TP73: variants seen among roughly 807,000 people sequenced by gnomAD.
TP73 encodes the protein tumor protein p73.
Under a neutral mutation model 62.5 loss-of-function variants are expected in TP73, and 25 were observed. The ratio of observed to expected loss-of-function variants is 0.40; its 90% CI spans 0.29 to 0.56. TP73 has a LOEUF of 0.56. TP73 is among the 20% of genes least tolerant of loss of function. The pLI is 0.46. For missense variants in TP73, 754 were observed against 913.3 expected (o/e 0.83, Z 2.25); for synonymous variants, 423 against 377.5 (o/e 1.12, Z -1.40).
Position 3,727,727 on chromosome 1 carries a change from C to T in TP73, c.942C>T (p.Ala314=). 6.4e-7 allele frequency: 1 copy of T among 1,562,464 alleles called. No homozygotes were observed. Among genetic ancestry groups the T allele is most frequent in the East Asian group, 2.3e-5 (1 of 42,710 alleles). Residue 314 remains alanine (A), a synonymous_variant, in exon 8 of 14, where the codon GCC becomes GCT. Transcript: ENST00000378295. ...ADEDHYREQQ[A]LNESSAKNGA... is the part of the protein sequence containing the mutation. The stretch of plus-strand genomic sequence containing the variant: ...AGGACCACTACCGGGAGCAGCAGGC[C>T]CTGAACGAGAGCTCCGCCAAGAACG...
rs368036522 is a variant in TP73 at position 3,691,396 on chromosome 1, A to G, written c.186+8216A>G. Among the ~76,000 whole-genome samples the G allele has an allele frequency of 3.4e-4, 51 of 151,810 alleles. No homozygotes were observed. The East Asian group carries it at 9.0e-3, about 27-fold the overall frequency. ...TGGGTGTGAAGCTGCCCCCGCCCTC[A>G]TCAGGGAATTTGCTCATTTGACAGC... On this transcript the variant is annotated intron_variant, in intron 3 of 13. Transcript: ENST00000378295.
chr1:3,659,211 A>G (rs1644935968), intron 1 of TP73: 1 of 151,674 alleles, frequency 6.6e-6, no homozygotes, highest in East Asian at 1.9e-4. Flanking sequence ...GGAGCTGACT[A>G]AAAACCAGTT....
At chr1:3,720,593 A>G (rs116294353) in intron 4 of TP73, among the ~76,000 whole-genome samples, 1,653 of 152,302 alleles carry the variant, frequency 0.011, 29 homozygotes, top group African/African-American at 0.038. Context: ...GAACAAGGGC[A>G]CTCAGGGTGC....
At chr1:3,695,927 G>A (rs547027485) in intron 3 of TP73, among the ~76,000 whole-genome samples, 2 of 152,380 alleles carry the variant, frequency 1.3e-5, no homozygotes, top group East Asian at 1.9e-4. Flanking sequence ...TGGATATGAG[G>A]GAAGGGGTGG....
intron 3 of TP73, chr1:3,698,036 C>G: frequency 7.1e-6 from 7 of 979,140 alleles, no homozygotes; most frequent in Non-Finnish European, 7.3e-6. Flanking sequence ...CCATTCTCGG[C>G]TCAGCCACTA....
rs1156392721 is a variant in TP73, at chr1:3,733,033, G to A, written c.1865G>A (p.Arg622His). 27 of 1,547,512 alleles carry A rather than the reference G, an allele frequency of 1.7e-5. No individual in the cohort carries two copies. The highest frequency in any genetic ancestry group is 7.7e-5 in the Admixed American group (4 of 52,150). Reference sequence around the variant, plus strand: ...TTCGACCTGCCCGACTGCAAGGCCCGCAAGCAGCCCATCAAGGAGGAGTTC... The same window carrying A: ...TTCGACCTGCCCGACTGCAAGGCCCACAAGCAGCCCATCAAGGAGGAGTTC... The part of the protein sequence containing the change: ...FGFDLPDCKA[R>H]KQPIKEEFTE... Residue 622 changes from arginine (R) to histidine (H), a missense_variant, in exon 14 of 14, where the codon CGC becomes CAC. Around this residue, in one of 3 missense-constraint regions of TP73, gnomAD observed 458 missense variants for 528.7 expected, o/e 0.87. Coordinates refer to ENST00000378295, the MANE Select transcript of TP73 (RefSeq NM_005427.4).
chr1:3,668,534 G>GTGTA (rs984033078), intron 1 of TP73: 29 of 152,194 alleles, frequency 1.9e-4, no homozygotes, highest in South Asian at 8.3e-4. Context: ...GTGTGTGTGT[G>GTGTA]TGTGTGTGTG....
rs958284106 is a variant in TP73, at chr1:3,699,827, C to T, written c.187-7722C>T. On this transcript the variant is annotated intron_variant, in intron 3 of 13. Coordinates refer to ENST00000378295, the MANE Select transcript of TP73 (RefSeq NM_005427.4). The surrounding 1 kb of genome is among the most constrained non-coding windows in gnomAD (Gnocchi z 4.1). ...AGCGGGGCGTCAGGATTTCAGCTGA[C>T]ATCCCTACTACGCTTTTTCACGTGC... Among the ~76,000 whole-genome samples the T allele has an allele frequency of 1.3e-5, 2 of 152,172 alleles. No individual in the cohort carries two copies. Among genetic ancestry groups the T allele is most frequent in the Non-Finnish European group, 2.9e-5 (2 of 68,014 alleles).
At chr1:3,688,495 G>A (rs572435056) in intron 3 of TP73, among the ~76,000 whole-genome samples, 1 of 152,178 alleles carries the variant, frequency 6.6e-6, no homozygotes, top group African/African-American at 2.4e-5. Flanking sequence ...CCCCTGTCCT[G>A]CGGCCCAGGG....
At position 3,666,741 on chromosome 1, in the gene TP73, T is replaced by C. The variant is rs185241186; in HGVS notation, c.-34+14100T>C. ...CTTCAGCTCGGAAGTGAGTAAGCAT[T>C]GGCGGTGGGGATGGTGCTCTGAGCA... On this transcript the variant is annotated intron_variant, in intron 1 of 13. Coordinates refer to ENST00000378295, the MANE Select transcript of TP73 (RefSeq NM_005427.4). The surrounding 1 kb of genome is among the most constrained non-coding windows in gnomAD (Gnocchi z 6.4). Among the ~76,000 whole-genome samples the C allele has an allele frequency of 2.1e-4, 32 of 152,180 alleles. No individual in the cohort carries two copies. The East Asian group carries it at 6.0e-3, about 28-fold the overall frequency.
chr1:3,713,367 C>G (rs1389156584), intron 4 of TP73, among the ~76,000 whole-genome samples: 1 of 152,258 alleles, frequency 6.6e-6, no homozygotes, highest in Non-Finnish European at 1.5e-5. Flanking sequence ...CTGCCACTAA[C>G]TCCCGTTGAC....
At chr1:3,677,530 TTGA>T (rs1645399912) in intron 1 of TP73, among the ~76,000 whole-genome samples, 1 of 152,192 alleles carries the variant, frequency 6.6e-6, no homozygotes, top group South Asian at 2.1e-4. Flanking sequence ...GTGCCCTGAC[TTGA>T]TGGTGCCAGG....
At chr1:3,702,280 C>T (rs1288802028) in intron 3 of TP73, among the ~76,000 whole-genome samples, 2 of 152,180 alleles carry the variant, frequency 1.3e-5, no homozygotes, top group Non-Finnish European at 2.9e-5. Context: ...CCACAGCCCT[C>T]CTGGAGGGGG....
In TP73 at chr1:3,729,988, G is replaced by A; in HGVS notation, c.1197-12G>A. 6.3e-7 allele frequency: 1 copy of A among 1,575,962 alleles called. No homozygotes were observed. The highest frequency in any genetic ancestry group is 8.7e-7 in the Non-Finnish European group (1 of 1,154,342). On this transcript the variant is annotated splice_polypyrimidine_tract_variant and intron_variant, in intron 10 of 13. Transcript: ENST00000378295. ...TTGCTTCCCACCCATGCGAGCCGTTGCTTCTGAGCAGGAGTCACCTACAGC... is the reference window on the plus strand; with the variant it reads ...TTGCTTCCCACCCATGCGAGCCGTTACTTCTGAGCAGGAGTCACCTACAGC...
chr1:3,687,242 G>A (rs895084477), intron 3 of TP73, among the ~76,000 whole-genome samples: 8 of 152,206 alleles, frequency 5.3e-5, no homozygotes, highest in African/African-American at 1.4e-4. Context: ...AGGGTGGGCC[G>A]AGGAGCCACA....
intron 4 of TP73, among the ~76,000 whole-genome samples, chr1:3,719,635 C>G (rs748440678): frequency 4.6e-5 from 7 of 152,226 alleles, no homozygotes; most frequent in Non-Finnish European, 8.8e-5. Context: ...GCGAGCTGTT[C>G]CCATGTGCCC....
intron 6 of TP73, among the ~76,000 whole-genome samples, chr1:3,725,167 G>A (rs762231263): frequency 1.3e-5 from 2 of 152,148 alleles, no homozygotes; most frequent in South Asian, 2.1e-4. Flanking sequence ...CACACGTAGG[G>A]CCACAAAATC....
intron 1 of TP73, among the ~76,000 whole-genome samples, chr1:3,674,841 G>T (rs566574370): frequency 4.0e-4 from 61 of 152,338 alleles, no homozygotes; most frequent in South Asian, 3.5e-3. Context: ...CTGCCTGGGA[G>T]AGCCGCTGTC....
At chr1:3,715,917 G>A (rs889213921) in intron 4 of TP73, among the ~76,000 whole-genome samples, 1 of 152,150 alleles carries the variant, frequency 6.6e-6, no homozygotes, top group Admixed American at 6.5e-5. Flanking sequence ...CATGGGACGA[G>A]GATCGAGCAG....
Sources: allele counts gnomAD v4.1 joint callset (sites outside exome capture counted in the v4.1 genomes callset), GRCh38; gene constraint gnomAD v4.1.1; regional missense constraint gnomAD v4.1.1; non-coding constraint Gnocchi (gnomAD v3.1); transcripts MANE v1.5; gene names NCBI Gene and HGNC (gene_info 2026-07-23, HGNC 2026-07-21).